KIAA1328: variants seen among roughly 807,000 people sequenced by gnomAD.
KIAA1328 encodes KIAA1328, also known as protein hinderin.
KIAA1328 carries 52 observed loss-of-function variants against 68.1 expected under a neutral mutation model. The observed-to-expected ratio is 0.76, with a 90% CI of 0.61 to 0.96. The LOEUF (loss-of-function observed/expected upper bound fraction) is 0.96, where lower values mean the gene tolerates loss of function less well. KIAA1328 is among the 40% of genes least tolerant of loss of function. KIAA1328 has a pLI of 0.00. For synonymous variants in KIAA1328, 232 were observed against 239.4 expected, an observed-to-expected ratio of 0.97 and a Z score of 0.28; for missense variants, 641 against 677.6, an observed-to-expected ratio of 0.95 and a Z score of 0.60.
chr18:37,098,831 A>G (rs528809740), intron 7 of KIAA1328, among the ~76,000 whole-genome samples: 2 of 152,130 alleles, frequency 1.3e-5, no homozygotes, highest in South Asian at 2.1e-4. Flanking sequence ...GAATTTATCC[A>G]TTTCTTGTAG....
intron 9 of KIAA1328, among the ~76,000 whole-genome samples, chr18:37,187,874 T>G (rs563372199): frequency 6.6e-6 from 1 of 152,296 alleles, no homozygotes; most frequent in South Asian, 2.1e-4. Flanking sequence ...ACCACAGTCA[T>G]GTACTTAGTG....
chr18:37,181,722 A>T (rs2059702036), intron 9 of KIAA1328, among the ~76,000 whole-genome samples: 1 of 152,196 alleles, frequency 6.6e-6, no homozygotes, highest in Non-Finnish European at 1.5e-5. Flanking sequence ...GCTTATATTT[A>T]CTACTCACTG....
intron 5 of KIAA1328, among the ~76,000 whole-genome samples, chr18:36,941,791 T>C (rs1051096570): frequency 6.6e-6 from 1 of 152,138 alleles, no homozygotes; most frequent in Non-Finnish European, 1.5e-5. Context: ...TGGTCAGTTC[T>C]GCTATAAGGA....
intron 6 of KIAA1328, among the ~76,000 whole-genome samples, chr18:37,065,291 T>C (rs529751478): frequency 2.0e-4 from 31 of 152,276 alleles, no homozygotes; most frequent in Admixed American, 3.3e-4. Context: ...GAAGAGGAAG[T>C]GTTAGTGGAA....
At chr18:37,075,367 G>A (rs972925674) in intron 7 of KIAA1328, 1 of 152,158 alleles carries the variant, frequency 6.6e-6, no homozygotes, top group African/African-American at 2.4e-5. Context: ...GGTACCAGCT[G>A]CTGCAAAATC....
chr18:36,909,979 TG>T (rs1383101945), intron 5 of KIAA1328, among the ~76,000 whole-genome samples: 49 of 152,234 alleles, frequency 3.2e-4, no homozygotes, highest in African/African-American at 8.9e-4. Context: ...TTGATGGGGT[TG>T]TTTTTTTTGT....
chr18:37,060,942 C>A (rs576400729), intron 6 of KIAA1328, among the ~76,000 whole-genome samples: 1 of 152,072 alleles, frequency 6.6e-6, no homozygotes. Flanking sequence ...ATGGTGAAAC[C>A]GTGTCTCTAC....
At chr18:36,830,100 G>A (rs1170961981) in intron 1 of KIAA1328, among the ~76,000 whole-genome samples, 1 of 152,166 alleles carries the variant, frequency 6.6e-6, no homozygotes, top group East Asian at 1.9e-4. Context: ...ATTGGTGATG[G>A]CATTAATTGA....
At chr18:36,965,108 C>T (rs2051863441) in intron 6 of KIAA1328, among the ~76,000 whole-genome samples, 1 of 152,100 alleles carries the variant, frequency 6.6e-6, no homozygotes. Context: ...TTTTTATTAA[C>T]TCTGCATTAT....
chr18:37,017,712 A>G (rs1246693500), intron 6 of KIAA1328, among the ~76,000 whole-genome samples: 1 of 152,076 alleles, frequency 6.6e-6, no homozygotes, highest in Non-Finnish European at 1.5e-5. Context: ...ATTGTTATAG[A>G]ATGCCTTTCT....
chr18:37,067,668 C>T lies in KIAA1328; in HGVS notation c.1232+123C>T, dbSNP rs1001071947. 8 of 1,033,508 alleles carry T rather than the reference C, an allele frequency of 7.7e-6. No individual in the cohort carries two copies. In the Admixed American group the frequency reaches 1.8e-4, roughly 23 times the overall value. The allele number at this position is 1,033,508 out of a possible 1,614,324, so 64.0% of individuals were successfully genotyped here. A position where few individuals can be genotyped will look rare whatever the true frequency, so the allele number is the denominator to read the frequency against. On this transcript the variant is annotated intron_variant, in intron 7 of 9. Transcript: ENST00000280020. ...CTCCGCCTCCCGAGTTCAAGCAGTT[C>T]TCTGCCTCAGCCTCCCGAGTAGCTG...
chr18:37,200,703 C>T (rs1453979965), intron 9 of KIAA1328, among the ~76,000 whole-genome samples: 3 of 150,372 alleles, frequency 2.0e-5, no homozygotes, highest in African/African-American at 4.9e-5. Context: ...CCCAGCTACT[C>T]GGGAGGCTGA....
chr18:37,090,220 C>T (rs1004660613), intron 7 of KIAA1328, among the ~76,000 whole-genome samples: 3 of 151,936 alleles, frequency 2.0e-5, no homozygotes, highest in Non-Finnish European at 4.4e-5. Context: ...TTCTTAATGC[C>T]TCACTTAAGT....
intron 9 of KIAA1328, among the ~76,000 whole-genome samples, chr18:37,183,056 G>A (rs887582578): frequency 2.0e-5 from 3 of 152,146 alleles, no homozygotes; most frequent in Admixed American, 6.5e-5. Flanking sequence ...CTTATGCAAT[G>A]TTGGCAAATT....
intron 6 of KIAA1328, among the ~76,000 whole-genome samples, chr18:37,026,956 T>G (rs1251050586): frequency 6.6e-6 from 1 of 152,198 alleles, no homozygotes; most frequent in Non-Finnish European, 1.5e-5. Context: ...GATGACATGA[T>G]TGTATATCTA....
chr18:37,074,408 T>G (rs2056639999), intron 7 of KIAA1328, among the ~76,000 whole-genome samples: 1 of 152,198 alleles, frequency 6.6e-6, no homozygotes, highest in African/African-American at 2.4e-5. Flanking sequence ...CAGCTATTTC[T>G]CCCTGTCACT....
At chr18:37,014,129 A>G (rs2054070170) in intron 6 of KIAA1328, among the ~76,000 whole-genome samples, 1 of 152,060 alleles carries the variant, frequency 6.6e-6, no homozygotes, top group Non-Finnish European at 1.5e-5. Flanking sequence ...TTTGTTGGCC[A>G]CTTGTGTGTC....
intron 8 of KIAA1328, among the ~76,000 whole-genome samples, chr18:37,171,556 C>G (rs182786265): frequency 6.6e-6 from 1 of 152,236 alleles, no homozygotes; most frequent in African/African-American, 2.4e-5. Context: ...TGTCCTTACT[C>G]TCATACCTTC....
intron 6 of KIAA1328, among the ~76,000 whole-genome samples, chr18:37,049,892 T>A (rs1033272958): frequency 1.8e-4 from 28 of 152,324 alleles, no homozygotes; most frequent in African/African-American, 6.7e-4. Flanking sequence ...AAATACAGTG[T>A]ACGTACTTTT....
Sources: gnomAD v4.1 joint callset for allele counts (sites outside exome capture counted in the v4.1 genomes callset) on GRCh38, gnomAD v4.1.1 for gene constraint, MANE v1.5 for transcripts, NCBI Gene and HGNC (gene_info 2026-07-23, HGNC 2026-07-21) for gene names.